Variants in SNX19 observed in about 807,000 individuals in gnomAD.
The protein encoded by SNX19 is sorting nexin 19.
SNX19 carries 60 observed loss-of-function variants against 85.2 expected under a neutral mutation model. That is an observed-to-expected ratio of 0.70 (90% CI 0.57 to 0.87). SNX19 has a LOEUF of 0.87. Ranked by LOEUF, SNX19 falls within the 40% of genes least tolerant of loss-of-function variation. SNX19 has a pLI of 0.00. For missense variants in SNX19, 1,201 were observed against 1,217.8 expected (o/e 0.99, Z 0.21); for synonymous variants, 520 against 470.0 (o/e 1.11, Z -1.38).
intron 4 of SNX19, among the ~76,000 whole-genome samples, chr11:130,909,601 A>G (rs150839789): frequency 7.5e-4 from 114 of 151,946 alleles, no homozygotes; most frequent in African/African-American, 2.7e-3. Context: ...CCATGACACC[A>G]CTCTAAATCC....
chr11:130,915,216 T>C lies in SNX19; in HGVS notation c.724A>G (p.Ile242Val). ...AGTGGTAAGATTACATTGCATGTGA[T>C]GAGTTCGACCACTACATGGCGTCCG... ...RTGRHVVVEL[I>V]TCNVILPLIS... The change falls in exon 1 of 11, where the codon ATC (isoleucine) becomes GTC (valine). Residue 242 changes from isoleucine to valine, a missense_variant. This residue lies in a region of SNX19 where 791 missense variants were observed against 750.9 expected (regional missense o/e 1.05). Coordinates refer to ENST00000265909, the MANE Select transcript of SNX19 (RefSeq NM_014758.3). The C allele has an allele frequency of 6.2e-7, 1 of 1,614,252 alleles. No homozygotes were observed. The highest frequency in any genetic ancestry group is 8.5e-7 in the Non-Finnish European group (1 of 1,180,050).
intron 2 of SNX19, 70 bp downstream of exon 2, chr11:130,911,563 A>G: frequency 6.2e-7 from 1 of 1,600,714 alleles, no homozygotes; most frequent in Non-Finnish European, 8.5e-7. Context: ...CCTCCCATAA[A>G]CCAACAGGCC....
At chr11:130,906,839 G>A in intron 5 of SNX19, 118 bp from the exon 6 acceptor site, 2 of 745,828 alleles carry the variant, frequency 2.7e-6, no homozygotes, top group Non-Finnish European at 4.6e-6. Flanking sequence ...ATTCTGGGGA[G>A]CTTACTGTGG....
intron 10 of SNX19, among the ~76,000 whole-genome samples, chr11:130,879,163 G>A (rs1373185995): frequency 6.6e-6 from 1 of 152,168 alleles, no homozygotes; most frequent in Admixed American, 6.5e-5. Flanking sequence ...GACAACTCCT[G>A]GTCTTGACAT....
intron 7 of SNX19, among the ~76,000 whole-genome samples, chr11:130,905,447 C>T (rs912194775): frequency 6.6e-6 from 1 of 152,090 alleles, no homozygotes; most frequent in Non-Finnish European, 1.5e-5. Context: ...AAGGCATCAC[C>T]ACACACATGT....
At chr11:130,908,278 C>T in intron 4 of SNX19, 195 bp from the exon 5 acceptor site, 2 of 468,226 alleles carry the variant, frequency 4.3e-6, no homozygotes, top group Non-Finnish European at 7.0e-6. Context: ...TTTCCATGGC[C>T]ATAAAAATCT....
At chr11:130,903,564 G>A (rs1168857921) in intron 7 of SNX19, among the ~76,000 whole-genome samples, 180 bp from the exon 8 acceptor site, 2 of 151,982 alleles carry the variant, frequency 1.3e-5, no homozygotes, top group East Asian at 1.9e-4. Flanking sequence ...TCAGTGACAG[G>A]CTCAGCATTT....
intron 7 of SNX19, among the ~76,000 whole-genome samples, chr11:130,903,712 CACAT>C (rs1418947202): frequency 4.3e-5 from 4 of 93,522 alleles, no homozygotes; most frequent in Non-Finnish European, 6.6e-5. Flanking sequence ...TATATATATA[CACAT>C]ACACACACAC....
At position 130,915,168 on chromosome 11, in the gene SNX19, C is replaced by G. The variant is rs749101712; in HGVS notation, c.772G>C (p.Asp258His). 1.2e-6 allele frequency: 2 copies of G among 1,614,198 alleles called. No homozygotes were observed. The highest frequency in any genetic ancestry group is 1.1e-5 in the South Asian group (1 of 91,086). Residue 258 changes from aspartate (D) to histidine (H), a missense_variant, in exon 1 of 11, where the codon GAC becomes CAC. By Grantham distance (81) the Asp-to-His change is moderately conservative. Coordinates refer to ENST00000265909, the MANE Select transcript of SNX19 (RefSeq NM_014758.3). ...LPLISRLSDP[D>H]WIHLVLVGIF... ...CCCACGAGTACAAGGTGGATCCAGT[C>G]AGGATCTGACAGCCTGCTGATCAGT...
rs576331140 is a variant in SNX19 at position 130,870,074 on chromosome 11, T to G, written c.*8348A>C. ...AGAGAAGCAATTGGGTGAGGCTCCC[T>G]GCTAGATGAAGAAAACTTCTATCAC... On this transcript the variant is annotated 3_prime_UTR_variant, in exon 11 of 11. Coordinates refer to ENST00000265909, the MANE Select transcript of SNX19 (RefSeq NM_014758.3). The G allele has an allele frequency of 1.3e-5, 2 of 152,200 alleles. No homozygotes were observed. Among genetic ancestry groups the G allele is most frequent in the African/African-American group, 4.8e-5 (2 of 41,440 alleles). 9.4% of individuals were successfully genotyped at this position (152,200 alleles called of 1,614,324 possible).
Position 130,871,088 on chromosome 11 carries a change from G to A in SNX19, c.*7334C>T, listed in dbSNP as rs1430356667. The stretch of plus-strand genomic sequence containing the variant: ...AGAAGAGAAGGTAATCTACCACGTG[G>A]AAGGAAGGACATGAACAAAAAAATG... On this transcript the variant is annotated 3_prime_UTR_variant, in exon 11 of 11. Transcript: ENST00000265909. 6.6e-6 allele frequency among the ~76,000 whole-genome samples: 1 copy of A among 152,134 alleles called. No individual in the cohort carries two copies. The highest frequency in any genetic ancestry group is 1.5e-5 in the Non-Finnish European group (1 of 68,028).
In SNX19 at chr11:130,899,008, T is replaced by G. The variant is rs748496103; in HGVS notation, c.2573+4247A>C. On this transcript the variant is annotated intron_variant, in intron 8 of 10. Coordinates refer to ENST00000265909, the MANE Select transcript of SNX19 (RefSeq NM_014758.3). Reference sequence around the variant, plus strand: ...TTCTGCTTGTGATATTTATTAACCCTGTGATTTTGACTAGATAACCCACAT... The same window carrying G: ...TTCTGCTTGTGATATTTATTAACCCGGTGATTTTGACTAGATAACCCACAT... Among the ~76,000 whole-genome samples, 5 of 152,322 alleles carry G rather than the reference T, an allele frequency of 3.3e-5. No homozygotes were observed. The South Asian group carries it at 1.0e-3, about 32-fold the overall frequency.
rs1038843272 is a variant in SNX19 at position 130,874,023 on chromosome 11, TTTG to T, written c.*4396_*4398del. ...CTAGCCAATGAGTCATAAGAGGTTT[TTTG>T]TTTTTTTTTTTTTTATTTGGGGTCT... On this transcript the variant is annotated 3_prime_UTR_variant, in exon 11 of 11. Coordinates refer to ENST00000265909, the MANE Select transcript of SNX19 (RefSeq NM_014758.3). Among the ~76,000 whole-genome samples, 3 of 118,548 alleles carry T rather than the reference TTTG, an allele frequency of 2.5e-5. No homozygotes were observed. The highest frequency in any genetic ancestry group is 8.7e-5 in the African/African-American group (3 of 34,368). 77.8% of individuals were successfully genotyped at this position (118,548 alleles called of 152,430 possible).
At chr11:130,906,189 T>A in intron 6 of SNX19, 56 bp from the exon 7 acceptor site, 1 of 1,561,008 alleles carries the variant, frequency 6.4e-7, no homozygotes, top group South Asian at 1.2e-5. Context: ...GGGGAGCAAA[T>A]GCAGCACTCT....
At chr11:130,884,637 G>A (rs1006736897) in intron 8 of SNX19, among the ~76,000 whole-genome samples, 11 of 152,102 alleles carry the variant, frequency 7.2e-5, no homozygotes, top group African/African-American at 2.7e-4. Context: ...GAAGGCTGAG[G>A]CGGGCAGATC....
intron 8 of SNX19, among the ~76,000 whole-genome samples, chr11:130,890,217 A>G (rs986011244): frequency 7.2e-5 from 11 of 152,168 alleles, no homozygotes; most frequent in African/African-American, 2.7e-4. Context: ...CCACATAATC[A>G]TTTAAATAGT....
chr11:130,910,581 G>A (rs1407064240), intron 2 of SNX19, among the ~76,000 whole-genome samples: 1 of 152,138 alleles, frequency 6.6e-6, no homozygotes, highest in Non-Finnish European at 1.5e-5. Flanking sequence ...AGAGACCCAA[G>A]TTTAAATCTG....
At chr11:130,888,360 C>G (rs2135312860) in intron 8 of SNX19, among the ~76,000 whole-genome samples, 1 of 152,180 alleles carries the variant, frequency 6.6e-6, no homozygotes, top group Non-Finnish European at 1.5e-5. Flanking sequence ...AGAAATTTCC[C>G]TCTAGGATGG....
At position 130,905,736 on chromosome 11, in the gene SNX19, T is replaced by C. The variant is rs1945612740; in HGVS notation, c.2443+217A>G. The C allele has an allele frequency of 3.2e-5, 49 of 1,536,426 alleles. No individual in the cohort carries two copies. In the South Asian group the frequency reaches 5.5e-4, roughly 17 times the overall value. On this transcript the variant is annotated intron_variant, in intron 7 of 10. Coordinates refer to ENST00000265909, the MANE Select transcript of SNX19 (RefSeq NM_014758.3). ...CTCATCCTGCTGGATTAGAACTTCC[T>C]GTGTTTGTGCCCTGTTCTGCTGCTT... is the stretch of plus-strand genomic sequence containing the variant.
Sources: allele counts gnomAD v4.1 joint callset (sites outside exome capture counted in the v4.1 genomes callset), GRCh38; gene constraint gnomAD v4.1.1; regional missense constraint gnomAD v4.1.1; transcripts MANE v1.5; gene names NCBI Gene and HGNC (gene_info 2026-07-23, HGNC 2026-07-21).